ZNF420: variants seen among roughly 807,000 people sequenced by gnomAD.
ZNF420 encodes ATM and p53-associated KZNF protein.
A neutral mutation model predicts 44.7 loss-of-function variants in ZNF420; 31 were observed. The ratio of observed to expected loss-of-function variants is 0.69; its 90% CI spans 0.52 to 0.94. The LOEUF is 0.94. Ranked by LOEUF, ZNF420 falls within the 40% of genes least tolerant of loss-of-function variation. The pLI is 0.00. For synonymous variants in ZNF420, 245 were observed against 267.4 expected, an observed-to-expected ratio of 0.92 and a Z score of 0.82; for missense variants, 681 against 827.9, an observed-to-expected ratio of 0.82 and a Z score of 2.18.
intron 1 of ZNF420, among the ~76,000 whole-genome samples, chr19:37,018,546 G>T (rs538141164): frequency 6.6e-6 from 1 of 152,262 alleles, no homozygotes; most frequent in African/African-American, 2.4e-5. Flanking sequence ...ACATAAAAAA[G>T]AATAAAGTTG....
chr19:37,043,590 T>G (rs1380029099), intron 1 of ZNF420, among the ~76,000 whole-genome samples: 1 of 152,178 alleles, frequency 6.6e-6, no homozygotes, highest in Non-Finnish European at 1.5e-5. Flanking sequence ...GCTCATTGCC[T>G]CAGCCTTCCA....
intron 2 of ZNF420, among the ~76,000 whole-genome samples, chr19:37,082,439 A>T (rs1968520370): frequency 6.6e-6 from 1 of 152,226 alleles, no homozygotes; most frequent in Non-Finnish European, 1.5e-5. Flanking sequence ...TTCTGGGATT[A>T]CAGGTGTGAA....
At chr19:37,083,377 C>T (rs1278529750) in intron 2 of ZNF420, among the ~76,000 whole-genome samples, 2 of 152,080 alleles carry the variant, frequency 1.3e-5, no homozygotes, top group East Asian at 3.9e-4. Flanking sequence ...TAAAGGGAGC[C>T]ATCCTTTCTC....
intron 4 of ZNF420, among the ~76,000 whole-genome samples, chr19:37,099,368 C>A (rs966242297): frequency 6.6e-6 from 1 of 151,932 alleles, no homozygotes; most frequent in Non-Finnish European, 1.5e-5. Context: ...TTTTTAATAG[C>A]CATTCTAACA....
At position 37,080,330 on chromosome 19, in the gene ZNF420, T is replaced by G. The variant is rs1968367006; in HGVS notation, c.-124-15T>G. ...GGCCTAATATCTCATTCCATTTTTC[T>G]TTTTCTGAGAGTAGAGCCCAGAGGA... On this transcript the variant is annotated splice_polypyrimidine_tract_variant and intron_variant, in intron 1 of 4. Coordinates refer to ENST00000337995, the MANE Select transcript of ZNF420 (RefSeq NM_144689.5). 3 of 152,640 alleles carry G rather than the reference T, an allele frequency of 2.0e-5. 1 individual carries two copies. In the South Asian group the frequency reaches 6.2e-4, roughly 32 times the overall value. The allele number at this position is 152,640 out of a possible 1,614,324, so 9.5% of individuals were successfully genotyped here. A position where few individuals can be genotyped will look rare whatever the true frequency, so the allele number is the denominator to read the frequency against.
chr19:37,127,604 AC>A lies in ZNF420; in HGVS notation c.614del (p.Thr205IlefsTer146). ...YACKECGKAFTQSSQLILHHR... is the reference protein window; with the variant it reads ...YACKECGKAFXQSSQLILHHR... ...ATGTAAGGAATGTGGGAAGGCCTTT[AC>A]TCAAAGCTCACAACTTATTTTACAT... On this transcript the variant is annotated frameshift_variant, in exon 5 of 5. Coordinates refer to ENST00000337995, the MANE Select transcript of ZNF420 (RefSeq NM_144689.5). LOFTEE classifies it high-confidence loss of function. The A allele has an allele frequency of 6.2e-7, 1 of 1,614,070 alleles. No individual in the cohort carries two copies. The highest frequency in any genetic ancestry group is 1.1e-5 in the South Asian group (1 of 91,078).
intron 1 of ZNF420, among the ~76,000 whole-genome samples, chr19:37,068,715 A>G (rs920707881): frequency 5.3e-5 from 8 of 152,196 alleles, no homozygotes; most frequent in Admixed American, 2.6e-4. Context: ...AAATGTAACT[A>G]AAATCTGTTT....
At chr19:37,069,683 A>C (rs2146452442) in intron 1 of ZNF420, among the ~76,000 whole-genome samples, 1 of 152,262 alleles carries the variant, frequency 6.6e-6, no homozygotes, top group East Asian at 1.9e-4. Context: ...GGATATTTGA[A>C]ATACGTTTCT....
chr19:37,107,789 T>C (rs1970177292), intron 4 of ZNF420: 1 of 152,444 alleles, frequency 6.6e-6, no homozygotes, highest in African/African-American at 2.4e-5. Context: ...GGGTTAAGAT[T>C]TGTGAGACCA....
chr19:37,110,336 A>G lies in ZNF420; in HGVS notation c.137-16792A>G, dbSNP rs140517598. 2.1e-3 allele frequency among the ~76,000 whole-genome samples: 321 copies of G among 152,264 alleles called. 3 individuals carry two copies. Among genetic ancestry groups the G allele is most frequent in the African/African-American group, 7.1e-3 (295 of 41,550 alleles). The stretch of plus-strand genomic sequence containing the variant: ...GGTGTAGGACTTGACACTGGGTGCA[A>G]TGTTGTACAATATTTTTTGCCTGTT... On this transcript the variant is annotated intron_variant, in intron 4 of 4. Transcript: ENST00000337995.
chr19:37,081,186 A>G (rs73625250), intron 2 of ZNF420, among the ~76,000 whole-genome samples: 2 of 152,010 alleles, frequency 1.3e-5, no homozygotes, highest in South Asian at 2.1e-4. Context: ...CATGTTTTCA[A>G]ATATTTTGAG....
intron 1 of ZNF420, among the ~76,000 whole-genome samples, chr19:37,047,952 C>T (rs1967570714): frequency 6.6e-6 from 1 of 152,174 alleles, no homozygotes; most frequent in African/African-American, 2.4e-5. Flanking sequence ...CACACTAGAG[C>T]ATCACTTGCT....
At chr19:37,061,814 C>T (rs1967883766) in intron 1 of ZNF420, among the ~76,000 whole-genome samples, 1 of 152,130 alleles carries the variant, frequency 6.6e-6, no homozygotes, top group African/African-American at 2.4e-5. Context: ...GACTTTCTTA[C>T]AGAAACAATA....
chr19:37,023,493 G>A (rs2074664588), intron 1 of ZNF420, among the ~76,000 whole-genome samples: 1 of 152,004 alleles, frequency 6.6e-6, no homozygotes. Flanking sequence ...AGCCTCCTGG[G>A]TAGCTGGGAT....
intron 1 of ZNF420, among the ~76,000 whole-genome samples, chr19:37,055,820 G>A (rs1385708307): frequency 6.6e-6 from 1 of 152,164 alleles, no homozygotes; most frequent in Non-Finnish European, 1.5e-5. Flanking sequence ...AACAGCAGGC[G>A]GAGTCTGGGA....
At chr19:37,115,093 G>T in intron 4 of ZNF420, 1 of 168,350 alleles carries the variant, frequency 5.9e-6, no homozygotes, top group South Asian at 1.8e-4. Context: ...TTACCGCAAA[G>T]GGTGACCATA....
chr19:37,096,121 TA>T (rs1364869853), intron 4 of ZNF420: 5 of 152,226 alleles, frequency 3.3e-5, no homozygotes, highest in Non-Finnish European at 5.9e-5. Flanking sequence ...CTTTTGTAAG[TA>T]ATCTGTATTT....
At chr19:37,113,272 T>C (rs544028408) in intron 4 of ZNF420, among the ~76,000 whole-genome samples, 2 of 152,340 alleles carry the variant, frequency 1.3e-5, no homozygotes, top group South Asian at 4.1e-4. Flanking sequence ...TTTTGTTTAT[T>C]TGAGGCTGGG....
intron 1 of ZNF420, among the ~76,000 whole-genome samples, chr19:37,022,531 T>A (rs1489166871): frequency 6.6e-6 from 1 of 152,156 alleles, no homozygotes; most frequent in East Asian, 1.9e-4. Context: ...AGTAATTACA[T>A]GAAATGCTTC....
Sources: allele counts gnomAD v4.1 joint callset (sites outside exome capture counted in the v4.1 genomes callset), GRCh38; gene constraint gnomAD v4.1.1; transcripts MANE v1.5; gene names NCBI Gene and HGNC (gene_info 2026-07-23, HGNC 2026-07-21).